Variants in EPHA6 observed in about 807,000 individuals in gnomAD.
EPHA6 encodes ephrin type-A receptor 6.
EPHA6 carries 50 observed loss-of-function variants against 112.0 expected under a neutral mutation model. The observed-to-expected ratio is 0.45, with a 90% CI of 0.36 to 0.56. The LOEUF (loss-of-function observed/expected upper bound fraction) is 0.56. Among genes scored for constraint, EPHA6 ranks in the 20% least tolerant of loss-of-function variants. The probability of loss-of-function intolerance (pLI) is 0.00; values close to 1 mark genes in which losing one functional copy is unlikely to be tolerated. For missense variants in EPHA6, 1,280 were observed against 1,417.4 expected (o/e 0.90, Z 1.56); for synonymous variants, 529 against 490.7 (o/e 1.08, Z -1.03).
At chr3:97,536,549 T>C (rs1466897505) in intron 11 of EPHA6, among the ~76,000 whole-genome samples, 2 of 152,162 alleles carry the variant, frequency 1.3e-5, no homozygotes, top group Non-Finnish European at 2.9e-5. Context: ...ATTGAAGTTA[T>C]AACAGAAAGT....
At chr3:97,487,584 C>A (rs912341552) in intron 10 of EPHA6, among the ~76,000 whole-genome samples, 10 of 152,156 alleles carry the variant, frequency 6.6e-5, no homozygotes, top group African/African-American at 2.4e-4. Context: ...TGCAACTGAA[C>A]CATAAAAATT....
chr3:97,627,535 T>C lies in EPHA6; in HGVS notation c.2575-10338T>C, dbSNP rs991201664. On this transcript the variant is annotated intron_variant, in intron 13 of 17. Transcript: ENST00000389672. ...TTCTCTGAAGTAGGAGCATTTTATT[T>C]CTACAGAATGGCAAATAAGTATTTA... 2.0e-5 allele frequency among the ~76,000 whole-genome samples: 3 copies of C among 152,024 alleles called. No homozygotes were observed. In the South Asian group the frequency reaches 6.2e-4, roughly 31 times the overall value.
chr3:97,361,344 T>TGAAA (rs1559921031), intron 5 of EPHA6, among the ~76,000 whole-genome samples: 6 of 152,198 alleles, frequency 3.9e-5, no homozygotes, highest in Non-Finnish European at 5.9e-5. Context: ...ATCAAGTCTT[T>TGAAA]TTAACACACA....
Position 97,225,435 on chromosome 3 carries a change from A to T in EPHA6, c.1115-829A>T, listed in dbSNP as rs553088325. On this transcript the variant is annotated intron_variant, in intron 3 of 17. Coordinates refer to ENST00000389672, the MANE Select transcript of EPHA6 (RefSeq NM_001080448.3). ...TCACATTTAGTAATTATTTTTAAACAATACTTCAATTATGAAAATGTTAGC... is the reference window on the plus strand; with the variant it reads ...TCACATTTAGTAATTATTTTTAAACTATACTTCAATTATGAAAATGTTAGC... Among the ~76,000 whole-genome samples, 5 of 152,336 alleles carry T rather than the reference A, an allele frequency of 3.3e-5. No individual in the cohort carries two copies. The South Asian group carries it at 8.3e-4, about 25-fold the overall frequency.
intron 14 of EPHA6, among the ~76,000 whole-genome samples, chr3:97,669,987 T>C (rs2030636614): frequency 6.6e-6 from 1 of 152,110 alleles, no homozygotes; most frequent in Non-Finnish European, 1.5e-5. Flanking sequence ...TATTAGCAAG[T>C]TTGATGAAAG....
intron 11 of EPHA6, among the ~76,000 whole-genome samples, chr3:97,551,271 C>T (rs2093025245): frequency 6.6e-6 from 1 of 152,078 alleles, no homozygotes; most frequent in Admixed American, 6.6e-5. Context: ...GAAATGAATA[C>T]AGAAATAGAG....
At chr3:97,525,757 T>G (rs774397417) in intron 10 of EPHA6, among the ~76,000 whole-genome samples, 2 of 152,178 alleles carry the variant, frequency 1.3e-5, no homozygotes, top group African/African-American at 4.8e-5. Flanking sequence ...GAAACTGCAG[T>G]TGGCAGTGTT....
intron 5 of EPHA6, among the ~76,000 whole-genome samples, chr3:97,339,147 T>G (rs1462325319): frequency 6.6e-6 from 1 of 152,286 alleles, no homozygotes; most frequent in East Asian, 1.9e-4. Flanking sequence ...AACCACTTAG[T>G]CAAGGGAATG....
chr3:97,485,169 G>A (rs567842305), intron 10 of EPHA6, among the ~76,000 whole-genome samples: 1 of 152,268 alleles, frequency 6.6e-6, no homozygotes, highest in Non-Finnish European at 1.5e-5. Flanking sequence ...ATTCCAGCCA[G>A]GTGTCATGTC....
intron 14 of EPHA6, among the ~76,000 whole-genome samples, chr3:97,707,902 G>T (rs914153786): frequency 6.6e-6 from 1 of 152,170 alleles, no homozygotes; most frequent in Non-Finnish European, 1.5e-5. Flanking sequence ...CTTCTGCCAT[G>T]ATTGTAAGTT....
At chr3:97,369,466 T>A (rs968593393) in intron 5 of EPHA6, among the ~76,000 whole-genome samples, 1 of 152,162 alleles carries the variant, frequency 6.6e-6, no homozygotes, top group Non-Finnish European at 1.5e-5. Flanking sequence ...TAGGGTTAAA[T>A]AAAATGTAGG....
rs1026166398 is a variant in EPHA6, at chr3:97,759,318, T to A, written c.*10617T>A. On this transcript the variant is annotated 3_prime_UTR_variant, in exon 18 of 18. Coordinates refer to ENST00000389672, the MANE Select transcript of EPHA6 (RefSeq NM_001080448.3). ...TAGTGGAGTCAAATCCCAACTGACA[T>A]GGATTAAGGCGAGATGTAAAGGAAG... is the stretch of plus-strand genomic sequence containing the variant. 6.6e-6 allele frequency among the ~76,000 whole-genome samples: 1 copy of A among 151,808 alleles called. No individual in the cohort carries two copies. The highest frequency in any genetic ancestry group is 1.9e-4 in the East Asian group (1 of 5,162).
chr3:96,975,692 G>A (rs72916480), intron 2 of EPHA6, among the ~76,000 whole-genome samples: 3,264 of 152,144 alleles, frequency 0.021, 109 homozygotes, highest in African/African-American at 0.068. Flanking sequence ...ACTTCTCATT[G>A]AGCAGGACAC....
chr3:96,870,721 A>T (rs2036581301), intron 2 of EPHA6, among the ~76,000 whole-genome samples: 1 of 152,120 alleles, frequency 6.6e-6, no homozygotes, highest in South Asian at 2.1e-4. Flanking sequence ...TAAAAGAAGC[A>T]GAGATTACAA....
At chr3:96,867,890 T>G (rs2036408925) in intron 2 of EPHA6, among the ~76,000 whole-genome samples, 1 of 151,952 alleles carries the variant, frequency 6.6e-6, no homozygotes, top group South Asian at 2.1e-4. Context: ...GAGTGAAATC[T>G]TCCTCTCTTT....
At chr3:96,930,569 C>A (rs2040260818) in intron 2 of EPHA6, among the ~76,000 whole-genome samples, 1 of 152,206 alleles carries the variant, frequency 6.6e-6, no homozygotes, top group Middle Eastern at 3.2e-3. Context: ...TAGCCTCCTC[C>A]TTCTGGAAGC....
chr3:96,904,242 T>C (rs2107582102), intron 2 of EPHA6, among the ~76,000 whole-genome samples: 1 of 151,770 alleles, frequency 6.6e-6, no homozygotes, highest in East Asian at 1.9e-4. Flanking sequence ...ATTAAGAAAA[T>C]GTGGCACATA....
intron 1 of EPHA6, among the ~76,000 whole-genome samples, chr3:96,862,344 G>C (rs1190616224): frequency 2.0e-5 from 3 of 151,760 alleles, no homozygotes; most frequent in Non-Finnish European, 4.4e-5. Flanking sequence ...ACTTTACTTA[G>C]TAACTCAGAA....
At chr3:97,700,691 C>T (rs2033330215) in intron 14 of EPHA6, among the ~76,000 whole-genome samples, 1 of 152,162 alleles carries the variant, frequency 6.6e-6, no homozygotes, top group East Asian at 1.9e-4. Flanking sequence ...AAAAGAAATA[C>T]ACCACACACA....
Sources: allele counts gnomAD v4.1 joint callset (sites outside exome capture counted in the v4.1 genomes callset), GRCh38; gene constraint gnomAD v4.1.1; transcripts MANE v1.5; gene names NCBI Gene and HGNC (gene_info 2026-07-23, HGNC 2026-07-21).